The following TBL1XR1 variants were observed in gnomAD, a reference collection of about 807,000 sequenced individuals.
TBL1XR1 encodes the protein TBL1X/Y related 1.
TBL1XR1 carries 5 observed loss-of-function variants against 66.9 expected under a neutral mutation model. That is an observed-to-expected ratio of 0.07 (90% confidence interval 0.04 to 0.16). TBL1XR1 has a LOEUF of 0.16. Ranked by LOEUF, TBL1XR1 falls within the 10% of genes least tolerant of loss-of-function variation. The pLI is 1.00. For missense variants in TBL1XR1, 238 were observed against 623.2 expected, an observed-to-expected ratio of 0.38 and a Z score of 6.58; for synonymous variants, 210 against 206.0, an observed-to-expected ratio of 1.02 and a Z score of -0.17.
intron 2 of TBL1XR1, among the ~76,000 whole-genome samples, chr3:177,076,796 G>A (rs1056624543): frequency 2.0e-5 from 3 of 152,216 alleles, no homozygotes; most frequent in Admixed American, 6.5e-5. Context: ...AGTGGCTGTA[G>A]AGGTTGAATG....
intron 2 of TBL1XR1, among the ~76,000 whole-genome samples, chr3:177,071,116 C>T (rs913752254): frequency 5.4e-4 from 79 of 147,018 alleles, no homozygotes; most frequent in African/African-American, 2.0e-3. Flanking sequence ...CTGCAAGCTC[C>T]GCCTCCCAGG....
chr3:177,187,943 CTTTTTTTTTTTT>C (rs571361204), intron 1 of TBL1XR1, among the ~76,000 whole-genome samples: 3 of 77,838 alleles, frequency 3.9e-5, no homozygotes, highest in African/African-American at 6.6e-5. Flanking sequence ...GTACAATTTC[CTTTTTTTTTTTT>C]TTTTTTTTTT....
rs558693472 is a variant in TBL1XR1, at chr3:177,055,574, C to T, written c.59-1656G>A. ...CGGGGCGGGGGTGGGGGGGTGGGGG[C>T]GGAGAAGCACCGTTTTGAATTGTCC... On this transcript the variant is annotated intron_variant, in intron 3 of 15. Coordinates refer to ENST00000457928, the MANE Select transcript of TBL1XR1 (RefSeq NM_024665.7). 4.8e-3 allele frequency among the ~76,000 whole-genome samples: 702 copies of T among 146,358 alleles called. 12 individuals carry two copies. The highest frequency in any genetic ancestry group is 0.017 in the African/African-American group (665 of 39,876).
intron 14 of TBL1XR1, 39 bp from the exon 15 acceptor site, chr3:177,026,513 C>T: frequency 1.4e-6 from 2 of 1,411,006 alleles, no homozygotes; most frequent in South Asian, 1.3e-5. Flanking sequence ...AATCGTAATA[C>T]ATATTATAAT....
At chr3:177,131,771 G>C (rs966417903) in intron 1 of TBL1XR1, among the ~76,000 whole-genome samples, 4 of 151,946 alleles carry the variant, frequency 2.6e-5, no homozygotes, top group Admixed American at 6.6e-5. Context: ...CAAAGTGCTA[G>C]GATCACAGGC....
chr3:177,100,007 C>T (rs750898729), intron 1 of TBL1XR1, among the ~76,000 whole-genome samples: 6 of 152,168 alleles, frequency 3.9e-5, no homozygotes, highest in Non-Finnish European at 7.4e-5. Flanking sequence ...TTCGGGAAGC[C>T]GAGGCGGGCC....
rs78065426 is a variant in TBL1XR1, at chr3:177,146,589, C to CAAAAAAAAAAAAAAAAAAAAAAAAA, written c.-121-48049_-121-48048insTTTTTTTTTTTTTTTTTTTTTTTTT. Among the ~76,000 whole-genome samples the CAAAAAAAAAAAAAAAAAAAAAAAAA allele has an allele frequency of 1.3e-3, 69 of 51,934 alleles. 13 individuals are homozygous for CAAAAAAAAAAAAAAAAAAAAAAAAA. Among genetic ancestry groups the CAAAAAAAAAAAAAAAAAAAAAAAAA allele is most frequent in the Non-Finnish European group, 1.6e-3 (46 of 28,716 alleles). The allele number at this position is 51,934 out of a possible 152,430, so 34.1% of individuals were successfully genotyped here. On this transcript the variant is annotated intron_variant, in intron 1 of 15. Transcript: ENST00000457928. Reference sequence around the variant, plus strand: ...TGGGCAGCTGAGCGAGACTCCATCTCAAAAAAAAAAAAAAAAAAGTTGTAT... The same window carrying CAAAAAAAAAAAAAAAAAAAAAAAAA: ...TGGGCAGCTGAGCGAGACTCCATCTCAAAAAAAAAAAAAAAAAAAAAAAAAAAAAAAAAAAAAAAAAAAGTTGTAT...
At chr3:177,110,005 T>C (rs777137361) in intron 1 of TBL1XR1, among the ~76,000 whole-genome samples, 1 of 152,162 alleles carries the variant, frequency 6.6e-6, no homozygotes. Flanking sequence ...AAATACGTCA[T>C]TTATGTTTTA....
rs1736988049 is a variant in TBL1XR1 at position 177,197,260 on chromosome 3, C to G, written c.-261G>C. The G allele has an allele frequency of 2.0e-5, 3 of 151,462 alleles. No homozygotes were observed. The highest frequency in any genetic ancestry group is 2.4e-5 in the African/African-American group (1 of 41,268). The allele number at this position is 151,462 out of a possible 1,614,324, so 9.4% of individuals were successfully genotyped here. On this transcript the variant is annotated 5_prime_UTR_variant, in exon 1 of 16. Coordinates refer to ENST00000457928, the MANE Select transcript of TBL1XR1 (RefSeq NM_024665.7). ...GGGGGGTGAGAGGCAATTATAACCC[C>G]AGCGAGCGGAGGGCGCGGGGGATGG...
upstream of TBL1XR1, among the ~76,000 whole-genome samples, chr3:177,199,217 G>T (rs1177390526): frequency 6.6e-6 from 1 of 152,204 alleles, no homozygotes; most frequent in Non-Finnish European, 1.5e-5. Context: ...TGGGAATTTA[G>T]ATAACTGCAG....
At chr3:177,131,102 C>G (rs200705615) in intron 1 of TBL1XR1, among the ~76,000 whole-genome samples, 1 of 152,010 alleles carries the variant, frequency 6.6e-6, no homozygotes, top group African/African-American at 2.4e-5. Flanking sequence ...TTCAGCAAAT[C>G]GGGAATCCAT....
rs199941728 is a variant in TBL1XR1, at chr3:177,050,167, C to T, written c.561-29G>A. On this transcript the variant is annotated intron_variant, in intron 6 of 15. Transcript: ENST00000457928. The stretch of plus-strand genomic sequence containing the variant: ...TAAAAGTATGCAATATATTTTAGAT[C>T]CTCATGACATTCTCACGTATCAGAA... The T allele has an allele frequency of 4.4e-6, 7 of 1,606,992 alleles. No individual in the cohort carries two copies. The Admixed American group carries it at 1.2e-4, about 27-fold the overall frequency.
intron 1 of TBL1XR1, among the ~76,000 whole-genome samples, chr3:177,183,798 C>T (rs1221276562): frequency 6.7e-6 from 1 of 148,984 alleles, no homozygotes; most frequent in African/African-American, 2.5e-5. Flanking sequence ...GTACAATCTT[C>T]TTTTTCTTGA....
intron 2 of TBL1XR1, among the ~76,000 whole-genome samples, chr3:177,068,082 G>GAGT: frequency 1.3e-5 from 2 of 152,260 alleles, no homozygotes; most frequent in Middle Eastern, 6.8e-3. Context: ...GCCTGATGAA[G>GAGT]AGTATATCAT....
At chr3:177,081,706 C>T (rs1423028417) in intron 2 of TBL1XR1, among the ~76,000 whole-genome samples, 1 of 147,746 alleles carries the variant, frequency 6.8e-6, no homozygotes, top group African/African-American at 2.5e-5. Flanking sequence ...GCGCTGCATG[C>T]ACTCCAGCCT....
chr3:177,168,689 TTC>T (rs1268096236), intron 1 of TBL1XR1, among the ~76,000 whole-genome samples: 1 of 152,206 alleles, frequency 6.6e-6, no homozygotes, highest in Non-Finnish European at 1.5e-5. Context: ...TACTGAACTT[TTC>T]TCTCTCTACA....
chr3:177,024,713 G>GAAAAAAAAAAAAAAAAA lies in TBL1XR1; in HGVS notation c.*768_*784dup, dbSNP rs148659524. On this transcript the variant is annotated 3_prime_UTR_variant, in exon 16 of 16. Transcript: ENST00000457928. The stretch of plus-strand genomic sequence containing the variant: ...AGCCACATCACCAAAAAACAAAAAA[G>GAAAAAAAAAAAAAAAAA]AAAAAAAAAAAAAAAAAGCAAAACA... 3.5e-5 allele frequency: 3 copies of GAAAAAAAAAAAAAAAAA among 85,344 alleles called. No homozygotes were observed. Among genetic ancestry groups the GAAAAAAAAAAAAAAAAA allele is most frequent in the East Asian group, 2.8e-4 (1 of 3,584 alleles). 5.3% of individuals were successfully genotyped at this position (85,344 alleles called of 1,614,324 possible).
chr3:177,104,571 A>T (rs537161470), intron 1 of TBL1XR1, among the ~76,000 whole-genome samples: 2 of 152,278 alleles, frequency 1.3e-5, no homozygotes, highest in South Asian at 4.1e-4. Context: ...CTGAGATCAG[A>T]CTCACTGTCA....
At chr3:177,051,341 G>A (rs1163621568) in intron 5 of TBL1XR1, among the ~76,000 whole-genome samples, 163 bp downstream of exon 5, 1 of 151,858 alleles carries the variant, frequency 6.6e-6, no homozygotes, top group East Asian at 1.9e-4. Flanking sequence ...AATAACTATT[G>A]GGCACTAGGC....
Sources: gnomAD v4.1 joint callset for allele counts (sites outside exome capture counted in the v4.1 genomes callset) on GRCh38, gnomAD v4.1.1 for gene constraint, MANE v1.5 for transcripts, NCBI Gene and HGNC (gene_info 2026-07-23, HGNC 2026-07-21) for gene names.